NDUFAF6: variants seen among roughly 807,000 people sequenced by gnomAD.
NDUFAF6 encodes the protein NADH:ubiquinone oxidoreductase complex assembly factor 6.
NDUFAF6 carries 45 observed loss-of-function variants against 40.8 expected under a neutral mutation model. The ratio of observed to expected loss-of-function variants is 1.10; its 90% confidence interval spans 0.87 to 1.42. The LOEUF (loss-of-function observed/expected upper bound fraction) is 1.42. Ranked by LOEUF, NDUFAF6 falls within the 40% of genes most tolerant of loss-of-function variation. NDUFAF6 has a pLI of 0.00. For missense variants in NDUFAF6, 435 were observed against 418.5 expected (o/e 1.04, Z -0.34); for synonymous variants, 185 against 155.9 (o/e 1.19, Z -1.39).
chr8:95,111,880 C>T lies in NDUFAF6; in HGVS notation n.345-3656C>T, dbSNP rs150451072. ...ATATGAGTTTTAAAATACTGTTTAG[C>T]GGGCTCCTATGTTCACTTTATATCC... On this transcript the variant is annotated intron_variant and non_coding_transcript_variant, in intron 4 of 5. Coordinates refer to the NDUFAF6 transcript ENST00000523184. Among the ~76,000 whole-genome samples the T allele has an allele frequency of 2.3e-3, 354 of 152,268 alleles. 2 individuals carry two copies. The highest frequency in any genetic ancestry group is 8.3e-3 in the African/African-American group (344 of 41,556).
chr8:94,959,119 G>T (rs866908298), intron 1 of NDUFAF6, among the ~76,000 whole-genome samples: 9 of 152,154 alleles, frequency 5.9e-5, no homozygotes, highest in African/African-American at 1.9e-4. Flanking sequence ...CCTGAGAAGG[G>T]ATGGGATCAA....
At chr8:94,931,750 G>A (rs1408106985) in intron 1 of NDUFAF6, among the ~76,000 whole-genome samples, 1 of 152,134 alleles carries the variant, frequency 6.6e-6, no homozygotes, top group Non-Finnish European at 1.5e-5. Flanking sequence ...TGAGGCAGGT[G>A]GATCACCTTA....
At chr8:95,109,648 C>A (rs189219708) in intron 4 of NDUFAF6, among the ~76,000 whole-genome samples, 2 of 151,512 alleles carry the variant, frequency 1.3e-5, no homozygotes, top group East Asian at 3.9e-4. Context: ...TATGTCTGTC[C>A]ATTTGTCTTC....
chr8:94,955,184 T>C (rs879577771), upstream of NDUFAF6, among the ~76,000 whole-genome samples: 3 of 152,266 alleles, frequency 2.0e-5, no homozygotes, highest in Non-Finnish European at 4.4e-5. Flanking sequence ...TACCAGCACA[T>C]AGACCCTTCT....
rs566957103 is a variant in NDUFAF6, at chr8:94,969,140, G to C, written c.-199+10961G>C. On this transcript the variant is annotated intron_variant, in intron 1 of 9. Transcript: ENST00000396111. ...ATTGGAGAGGCATCAGGATCAAATT[G>C]CCATTTAAAAACAGAGAACTAGATG... Among the ~76,000 whole-genome samples the C allele has an allele frequency of 2.0e-5, 3 of 152,282 alleles. No homozygotes were observed. The East Asian group carries it at 5.8e-4, about 29-fold the overall frequency.
At chr8:95,081,437 T>TG (rs1808866463) in intron 2 of NDUFAF6, among the ~76,000 whole-genome samples, 1 of 152,024 alleles carries the variant, frequency 6.6e-6, no homozygotes, top group African/African-American at 2.4e-5. Context: ...CCCGAAGTAC[T>TG]GGGATTACAG....
chr8:95,016,594 T>C (rs1827458245), intron 2 of NDUFAF6, among the ~76,000 whole-genome samples: 1 of 152,080 alleles, frequency 6.6e-6, no homozygotes, highest in African/African-American at 2.4e-5. Context: ...ATACAAAAAT[T>C]AGCTGGGCCT....
Position 95,045,596 on chromosome 8 carries a change from T to C in NDUFAF6, c.529T>C (p.Tyr177His), listed in dbSNP as rs777177008. The change falls in exon 5 of 9, where the codon TAT becomes CAT. Residue 177 changes from tyrosine (Y) to histidine (H), a missense_variant. Tyr to His is a moderately conservative substitution (Grantham distance 83). Coordinates refer to ENST00000396124, the MANE Select transcript of NDUFAF6 (RefSeq NM_152416.4). ...AYRNIKELEN[Y>H]AENTQSSLLY... ...TCGTAATATCAAGGAACTGGAAAATTATGCTGAAAACACACAGAGCTCTCT... is the reference window on the plus strand; with the variant it reads ...TCGTAATATCAAGGAACTGGAAAATCATGCTGAAAACACACAGAGCTCTCT... 1.2e-6 allele frequency: 2 copies of C among 1,613,598 alleles called. No individual in the cohort carries two copies. The highest frequency in any genetic ancestry group is 1.7e-6 in the Non-Finnish European group (2 of 1,179,714).
rs57749627 is a variant in NDUFAF6, at chr8:94,904,320, CTTTTTTTTTTTTTTTTTTT to C, written c.-936+8412_-936+8430del. Among the ~76,000 whole-genome samples, 82 of 34,140 alleles carry C rather than the reference CTTTTTTTTTTTTTTTTTTT, an allele frequency of 2.4e-3. 3 individuals are homozygous for C. The highest frequency in any genetic ancestry group is 9.0e-3 in the African/African-American group (59 of 6,582). 22.4% of individuals were successfully genotyped at this position (34,140 alleles called of 152,430 possible). A position where few individuals can be genotyped will look rare whatever the true frequency, so the allele number is the denominator to read the frequency against. ...CATCACACCTGGCTAATTTTTTTTGCTTTTTTTTTTTTTTTTTTTTTTTTTTTTTTTTTTTTTAGTAAAG... is the reference window on the plus strand; with the variant it reads ...CATCACACCTGGCTAATTTTTTTTGCTTTTTTTTTTTTTTTTTTAGTAAAG... On this transcript the variant is annotated intron_variant, in intron 1 of 14. Coordinates refer to the NDUFAF6 transcript ENST00000396113.
chr8:95,103,502 A>G (rs1459626084), downstream of NDUFAF6: 1 of 152,258 alleles, frequency 6.6e-6, no homozygotes, highest in African/African-American at 2.4e-5. Flanking sequence ...GTAGGATGGC[A>G]AATAAAATGT....
intron 2 of NDUFAF6, among the ~76,000 whole-genome samples, chr8:95,032,803 G>A (rs944838316): frequency 2.6e-5 from 4 of 152,110 alleles, no homozygotes; most frequent in Non-Finnish European, 5.9e-5. Context: ...AGTGAACAAG[G>A]AACAAATAAA....
chr8:95,036,040 A>T (rs747614087), intron 3 of NDUFAF6, among the ~76,000 whole-genome samples: 10 of 152,222 alleles, frequency 6.6e-5, no homozygotes, highest in Non-Finnish European at 1.0e-4. Context: ...TGTTGTCCAG[A>T]TACAAATCTA....
chr8:94,965,572 G>A (rs1823947528), intron 1 of NDUFAF6, among the ~76,000 whole-genome samples: 1 of 152,216 alleles, frequency 6.6e-6, no homozygotes, highest in Admixed American at 6.5e-5. Flanking sequence ...GAATAAGCCA[G>A]ACAAGGGCTA....
intron 8 of NDUFAF6, among the ~76,000 whole-genome samples, chr8:95,054,858 A>G (rs1301846960): frequency 6.6e-6 from 1 of 152,168 alleles, no homozygotes; most frequent in Non-Finnish European, 1.5e-5. Context: ...TGTTTTATAT[A>G]TGGGGCATCT....
intron 2 of NDUFAF6, among the ~76,000 whole-genome samples, chr8:95,088,920 T>G (rs1809154336): frequency 6.7e-6 from 1 of 149,890 alleles, no homozygotes; most frequent in Non-Finnish European, 1.5e-5. Context: ...CACTACTGCC[T>G]GGCTAATTTT....
chr8:94,995,274 A>G (rs1324777116), intron 2 of NDUFAF6, among the ~76,000 whole-genome samples: 1 of 152,030 alleles, frequency 6.6e-6, no homozygotes, highest in Non-Finnish European at 1.5e-5. Flanking sequence ...TTAAAATGAT[A>G]GAAACAGAAA....
intron 1 of NDUFAF6, among the ~76,000 whole-genome samples, chr8:94,923,345 G>A (rs781394937): frequency 6.6e-6 from 1 of 152,192 alleles, no homozygotes; most frequent in Non-Finnish European, 1.5e-5. Flanking sequence ...GCACTGTCCA[G>A]TATGGTAGCT....
intron 1 of NDUFAF6, among the ~76,000 whole-genome samples, chr8:94,909,622 C>G (rs1818633730): frequency 6.6e-6 from 1 of 151,546 alleles, no homozygotes; most frequent in Non-Finnish European, 1.5e-5. Flanking sequence ...GAGACTCCAT[C>G]TCAAAAACAA....
chr8:95,049,056 G>A (rs1003830000), intron 7 of NDUFAF6, among the ~76,000 whole-genome samples: 5 of 152,082 alleles, frequency 3.3e-5, no homozygotes, highest in African/African-American at 1.2e-4. Flanking sequence ...GGAGGTGGTC[G>A]GCATTCACTG....
Sources: gnomAD v4.1 joint callset for allele counts (sites outside exome capture counted in the v4.1 genomes callset) on GRCh38, gnomAD v4.1.1 for gene constraint, MANE v1.5 for transcripts, NCBI Gene and HGNC (gene_info 2026-07-23, HGNC 2026-07-21) for gene names.